Variants in CPT1A observed in about 807,000 individuals in gnomAD.
CPT1A encodes the protein carnitine O-palmitoyltransferase 1, liver isoform.
CPT1A carries 64 observed loss-of-function variants against 100.8 expected under a neutral mutation model. That is an observed-to-expected ratio of 0.63 (90% CI 0.52 to 0.78). The LOEUF is 0.78. CPT1A is among the 30% of genes least tolerant of loss of function. The probability of loss-of-function intolerance (pLI) is 0.00; values close to 1 mark genes in which losing one functional copy is unlikely to be tolerated. For synonymous variants in CPT1A, 363 were observed against 396.0 expected (o/e 0.92, Z 0.99); for missense variants, 802 against 1,034.1 (o/e 0.78, Z 3.08).
chr11:68,797,686 C>G (rs969907333), intron 6 of CPT1A, among the ~76,000 whole-genome samples: 1 of 152,020 alleles, frequency 6.6e-6, no homozygotes, highest in Non-Finnish European at 1.5e-5. Flanking sequence ...TAAAAGAAAA[C>G]AGAAACAAAG....
intron 14 of CPT1A, among the ~76,000 whole-genome samples, chr11:68,763,248 G>A (rs1481418218): frequency 1.3e-5 from 2 of 152,098 alleles, no homozygotes; most frequent in Non-Finnish European, 1.5e-5. Context: ...CCTGGTGGAG[G>A]TGGGTCAGTT....
intron 14 of CPT1A, among the ~76,000 whole-genome samples, chr11:68,770,758 G>A (rs1047624187): frequency 6.6e-6 from 1 of 152,172 alleles, no homozygotes; most frequent in African/African-American, 2.4e-5. Flanking sequence ...CTACAGTGCT[G>A]GATTCTAGTT....
At chr11:68,788,904 G>A (rs1440593540) in intron 9 of CPT1A, among the ~76,000 whole-genome samples, 1 of 152,154 alleles carries the variant, frequency 6.6e-6, no homozygotes, top group Non-Finnish European at 1.5e-5. Context: ...AGTAAGACTG[G>A]AAATGTCAAC....
chr11:68,787,652 G>A (rs1256956343), intron 9 of CPT1A, among the ~76,000 whole-genome samples: 1 of 151,578 alleles, frequency 6.6e-6, no homozygotes, highest in African/African-American at 2.4e-5. Context: ...TTAAGAAGAG[G>A]AGTTTAGGGT....
Position 68,815,381 on chromosome 11 carries a change from A to G in CPT1A, c.94T>C (p.Tyr32His). Reference sequence around the variant, plus strand: ...TTCCAGGAATGAAGTCCAGAGAGATAGATTTGTCTAAGAGCTTCATGGCTC... The same window carrying G: ...TTCCAGGAATGAAGTCCAGAGAGATGGATTTGTCTAAGAGCTTCATGGCTC... ...RLSHEALRQIYLSGLHSWKKK... is the reference protein window; with the variant it reads ...RLSHEALRQIHLSGLHSWKKK... The change falls in exon 2 of 19, where the codon TAT (tyrosine) becomes CAT (histidine). Residue 32 changes from tyrosine to histidine, a missense_variant. Around this residue, in one of 4 missense-constraint regions of CPT1A, gnomAD observed 161 missense variants for 183.7 expected, o/e 0.88. Coordinates refer to ENST00000265641, the MANE Select transcript of CPT1A (RefSeq NM_001876.4). 6.2e-7 allele frequency: 1 copy of G among 1,614,218 alleles called. No individual in the cohort carries two copies. The highest frequency in any genetic ancestry group is 8.5e-7 in the Non-Finnish European group (1 of 1,180,026).
chr11:68,812,658 G>T, intron 2 of CPT1A, 82 bp from the exon 3 acceptor site: 1 of 1,542,664 alleles, frequency 6.5e-7, no homozygotes, highest in Non-Finnish European at 8.9e-7. Context: ...TGGCAGCAGG[G>T]CTGCTGGGAC....
intron 5 of CPT1A, 144 bp downstream of exon 5, chr11:68,803,856 A>G: frequency 1.5e-6 from 1 of 655,552 alleles, no homozygotes; most frequent in Non-Finnish European, 2.7e-6. Flanking sequence ...AAAAAAAAAA[A>G]AAGAGTTCCT....
In CPT1A at chr11:68,793,353, C is replaced by T. The variant is rs536671702; in HGVS notation, c.929G>A (p.Arg310Gln). The T allele has an allele frequency of 3.5e-5, 56 of 1,612,142 alleles. No individual in the cohort carries two copies. The highest frequency in any genetic ancestry group is 3.4e-4 in the South Asian group (31 of 90,710). Residue 310 changes from arginine (R) to glutamine (Q), a missense_variant, in exon 9 of 19, where the codon CGG becomes CAG. Arg to Gln is a conservative substitution (Grantham distance 43). Around this residue, in one of 4 missense-constraint regions of CPT1A, gnomAD observed 627 missense variants for 799.3 expected, o/e 0.78. Coordinates refer to ENST00000265641, the MANE Select transcript of CPT1A (RefSeq NM_001876.4). ...TGGGATCCGGGAAGTATTAAACATCCGCTCCCACTGAGCGGAGCAGAGTGG... is the reference window on the plus strand; with the variant it reads ...TGGGATCCGGGAAGTATTAAACATCTGCTCCCACTGAGCGGAGCAGAGTGG... Reference protein sequence around the residue: ...TIPLCSAQWERMFNTSRIPGE... With the variant: ...TIPLCSAQWEQMFNTSRIPGE...
chr11:68,823,258 C>T (rs1352153508), intron 1 of CPT1A, among the ~76,000 whole-genome samples: 1 of 151,666 alleles, frequency 6.6e-6, no homozygotes, highest in Non-Finnish European at 1.5e-5. Context: ...TCAAAAAAAA[C>T]CCAAACTCAC....
chr11:68,769,041 C>G (rs928922157), intron 14 of CPT1A, among the ~76,000 whole-genome samples: 1 of 152,126 alleles, frequency 6.6e-6, no homozygotes, highest in Non-Finnish European at 1.5e-5. Context: ...CGTATTTTTC[C>G]TCTCTTGTGA....
At chr11:68,797,586 T>C (rs961672062) in intron 6 of CPT1A, among the ~76,000 whole-genome samples, 3 of 151,838 alleles carry the variant, frequency 2.0e-5, no homozygotes, top group African/African-American at 7.3e-5. Flanking sequence ...GACAGGAGGG[T>C]TACTTGAGCC....
At chr11:68,819,205 A>G (rs1306702709) in intron 1 of CPT1A, among the ~76,000 whole-genome samples, 5 of 152,114 alleles carry the variant, frequency 3.3e-5, no homozygotes, top group Admixed American at 3.3e-4. Context: ...CAGCCTCCCG[A>G]GTAGCTGGGC....
Position 68,815,204 on chromosome 11 carries a change from T to A in CPT1A, c.141+130A>T, listed in dbSNP as rs1276470830. 4 of 935,556 alleles carry A rather than the reference T, an allele frequency of 4.3e-6. No homozygotes were observed. In the African/African-American group the frequency reaches 6.5e-5, roughly 15 times the overall value. 58.0% of individuals were successfully genotyped at this position (935,556 alleles called of 1,614,324 possible). ...TCTATGTGACGGTGTCCCCAAGCCT[T>A]AAGTACCATGGAAACAGGTAAGTGA... is the stretch of plus-strand genomic sequence containing the variant. On this transcript the variant is annotated intron_variant, in intron 2 of 18. Coordinates refer to ENST00000265641, the MANE Select transcript of CPT1A (RefSeq NM_001876.4).
intron 14 of CPT1A, among the ~76,000 whole-genome samples, chr11:68,769,066 T>C (rs1417903532): frequency 1.3e-5 from 2 of 152,202 alleles, no homozygotes; most frequent in African/African-American, 4.8e-5. Flanking sequence ...CAGTTTCTGG[T>C]CTGACTCCTT....
At position 68,798,398 on chromosome 11, in the gene CPT1A, A is replaced by G. The variant is rs917011428; in HGVS notation, c.693+820T>C. 4.6e-5 allele frequency among the ~76,000 whole-genome samples: 7 copies of G among 152,170 alleles called. No homozygotes were observed. The South Asian group carries it at 1.5e-3, about 32-fold the overall frequency. On this transcript the variant is annotated intron_variant, in intron 6 of 18. Transcript: ENST00000265641. ...TCCAGGCACTGCCCATCCACCCACC[A>G]TGCCACGTCTAGCGCCACCTGCTGG...
intron 14 of CPT1A, among the ~76,000 whole-genome samples, chr11:68,771,102 G>C (rs1041569140): frequency 1.3e-5 from 2 of 152,214 alleles, no homozygotes; most frequent in African/African-American, 4.8e-5. Flanking sequence ...AGATGGGGTG[G>C]CTTCCTTTGT....
intron 10 of CPT1A, among the ~76,000 whole-genome samples, chr11:68,782,281 C>T (rs1284538502): frequency 6.6e-6 from 1 of 152,196 alleles, no homozygotes; most frequent in Non-Finnish European, 1.5e-5. Flanking sequence ...CTCCCTGACA[C>T]ACCCTCCCTC....
In CPT1A at chr11:68,757,395, G is replaced by A. The variant is rs561605607; in HGVS notation, c.*249C>T. 80 of 1,378,410 alleles carry A rather than the reference G, an allele frequency of 5.8e-5. No homozygotes were observed. Among genetic ancestry groups the A allele is most frequent in the Admixed American group, 2.1e-4 (7 of 33,060 alleles). The allele number at this position is 1,378,410 out of a possible 1,614,324, so 85.4% of individuals were successfully genotyped here. ...TTGCATCCCTTAATAAATCCAAGCCGATGCGGAGACATCAGGGGAGACTTT... is the reference window on the plus strand; with the variant it reads ...TTGCATCCCTTAATAAATCCAAGCCAATGCGGAGACATCAGGGGAGACTTT... On this transcript the variant is annotated 3_prime_UTR_variant, in exon 19 of 19. Coordinates refer to ENST00000265641, the MANE Select transcript of CPT1A (RefSeq NM_001876.4).
chr11:68,785,755 CT>C (rs1855445825), intron 9 of CPT1A: 1 of 497,922 alleles, frequency 2.0e-6, no homozygotes, highest in Non-Finnish European at 3.6e-6. Context: ...CGTATAGTAA[CT>C]TTTTATTAAT....
Sources: allele counts gnomAD v4.1 joint callset (sites outside exome capture counted in the v4.1 genomes callset), GRCh38; gene constraint gnomAD v4.1.1; regional missense constraint gnomAD v4.1.1; transcripts MANE v1.5; gene names NCBI Gene and HGNC (gene_info 2026-07-23, HGNC 2026-07-21).